LRRC4C: variants seen among roughly 807,000 people sequenced by gnomAD.
LRRC4C encodes leucine-rich repeat-containing protein 4C.
Under a neutral mutation model 33.6 loss-of-function variants are expected in LRRC4C, and 5 were observed. That is an observed-to-expected ratio of 0.15 (90% CI 0.08 to 0.31). The LOEUF (loss-of-function observed/expected upper bound fraction) is 0.31. Among genes scored for constraint, LRRC4C ranks in the 10% least tolerant of loss-of-function variants. The probability of loss-of-function intolerance (pLI) is 1.00; values close to 1 mark genes in which losing one functional copy is unlikely to be tolerated. For synonymous variants in LRRC4C, 329 were observed against 302.0 expected, an observed-to-expected ratio of 1.09 and a Z score of -0.93; for missense variants, 560 against 796.7, an observed-to-expected ratio of 0.70 and a Z score of 3.58.
intron 1 of LRRC4C, among the ~76,000 whole-genome samples, chr11:41,451,792 A>AGG (rs1956033195): frequency 6.6e-6 from 1 of 152,158 alleles, no homozygotes; most frequent in African/African-American, 2.4e-5. Flanking sequence ...TTAATGCTTA[A>AGG]TAGTAGTCCA....
intron 1 of LRRC4C, among the ~76,000 whole-genome samples, chr11:41,314,589 A>T (rs1176512159): frequency 6.6e-6 from 1 of 152,156 alleles, no homozygotes; most frequent in Admixed American, 6.5e-5. Flanking sequence ...CATAGGTGGG[A>T]ATTGAACAAT....
At chr11:40,222,194 T>C (rs1456219033) in intron 5 of LRRC4C, among the ~76,000 whole-genome samples, 1 of 152,202 alleles carries the variant, frequency 6.6e-6, no homozygotes, top group Admixed American at 6.5e-5. Context: ...GGAGCCCCCA[T>C]GACTGACACT....
intron 3 of LRRC4C, among the ~76,000 whole-genome samples, chr11:40,607,348 T>C (rs61100567): frequency 0.43 from 65,701 of 151,906 alleles, 15,280 homozygotes; most frequent in Middle Eastern, 0.57. Flanking sequence ...GTTTTCATGC[T>C]CAAATGTTGC....
intron 3 of LRRC4C, among the ~76,000 whole-genome samples, chr11:40,618,829 T>C (rs1441325503): frequency 6.6e-6 from 1 of 151,824 alleles, no homozygotes; most frequent in African/African-American, 2.4e-5. Context: ...CAAGTCAGGA[T>C]CTGCCACTGA....
intron 1 of LRRC4C, among the ~76,000 whole-genome samples, chr11:41,298,026 A>G (rs1565558791): frequency 6.6e-6 from 1 of 152,194 alleles, no homozygotes; most frequent in Non-Finnish European, 1.5e-5. Context: ...GATAAAATCC[A>G]ACTAATAGGA....
chr11:40,574,879 A>G (rs1331885288), intron 3 of LRRC4C, among the ~76,000 whole-genome samples: 2 of 152,182 alleles, frequency 1.3e-5, no homozygotes, highest in African/African-American at 4.8e-5. Flanking sequence ...ATGAGCACAT[A>G]GTAGTGAGGA....
chr11:41,054,248 C>G (rs898141443), intron 1 of LRRC4C, among the ~76,000 whole-genome samples: 1 of 152,146 alleles, frequency 6.6e-6, no homozygotes. Flanking sequence ...TATCTTATAT[C>G]TATGAAGTGA....
At position 40,739,029 on chromosome 11, in the gene LRRC4C, ATGTGTGTG is replaced by A. The variant is rs746979119; in HGVS notation, c.-406-90759_-406-90752del. On this transcript the variant is annotated intron_variant, in intron 2 of 6. Coordinates refer to ENST00000528697, the MANE Select transcript of LRRC4C (RefSeq NM_001258419.2). The stretch of plus-strand genomic sequence containing the variant: ...CTATTGTGTGTGTGTGTGTGTGTGT[ATGTGTGTG>A]TGTGTGTGTGTGTGTGGTGAGAAGA... Among the ~76,000 whole-genome samples, 7 of 137,190 alleles carry A rather than the reference ATGTGTGTG, an allele frequency of 5.1e-5. No individual in the cohort carries two copies. In the East Asian group the frequency reaches 8.9e-4, roughly 18 times the overall value. The allele number at this position is 137,190 out of a possible 152,430, so 90.0% of individuals were successfully genotyped here. A position where few individuals can be genotyped will look rare whatever the true frequency, so the allele number is the denominator to read the frequency against.
intron 1 of LRRC4C, among the ~76,000 whole-genome samples, chr11:41,316,262 CAAAAAAAA>C (rs60671406): frequency 3.3e-4 from 26 of 78,024 alleles, no homozygotes; most frequent in Middle Eastern, 7.8e-3. Context: ...CTCTGGATGG[CAAAAAAAA>C]AAAAAAAAAC....
rs1414838972 is a variant in LRRC4C at position 40,515,778 on chromosome 11, CAT to C, written c.-270+132362_-270+132363del. Among the ~76,000 whole-genome samples the C allele has an allele frequency of 2.6e-5, 4 of 152,020 alleles. No individual in the cohort carries two copies. In the East Asian group the frequency reaches 7.7e-4, roughly 29 times the overall value. On this transcript the variant is annotated intron_variant, in intron 3 of 6. Coordinates refer to ENST00000528697, the MANE Select transcript of LRRC4C (RefSeq NM_001258419.2). ...GTTTTTCCTGCTTAAATATTTTAGC[CAT>C]GTTTGAGGTGAACCAGTTAGTCCTC... is the stretch of plus-strand genomic sequence containing the variant.
intron 2 of LRRC4C, among the ~76,000 whole-genome samples, chr11:40,736,796 C>T (rs1280392920): frequency 6.6e-6 from 1 of 151,400 alleles, no homozygotes; most frequent in Admixed American, 6.6e-5. Context: ...TGTTTGTTGG[C>T]CACATAAATG....
At chr11:40,473,844 C>T (rs1352724065) in intron 3 of LRRC4C, among the ~76,000 whole-genome samples, 1 of 152,232 alleles carries the variant, frequency 6.6e-6, no homozygotes, top group African/African-American at 2.4e-5. Flanking sequence ...AGTGAACTCC[C>T]ATTCACAATT....
At chr11:41,270,321 T>C (rs986838458) in intron 1 of LRRC4C, among the ~76,000 whole-genome samples, 1 of 152,276 alleles carries the variant, frequency 6.6e-6, no homozygotes, top group African/African-American at 2.4e-5. Flanking sequence ...TTTATTTATA[T>C]TAAAGAAGGT....
intron 2 of LRRC4C, among the ~76,000 whole-genome samples, chr11:40,862,345 A>T (rs919667976): frequency 1.2e-4 from 19 of 152,258 alleles, no homozygotes; most frequent in African/African-American, 4.1e-4. Flanking sequence ...ATTTAAATTT[A>T]AAAAAATTGA....
intron 5 of LRRC4C, among the ~76,000 whole-genome samples, chr11:40,141,329 A>T (rs1029434324): frequency 1.3e-5 from 2 of 152,114 alleles, no homozygotes; most frequent in African/African-American, 4.8e-5. Flanking sequence ...ATCCCCAAAC[A>T]AGAAAGATAT....
chr11:40,455,840 C>G (rs556045397), intron 3 of LRRC4C, among the ~76,000 whole-genome samples: 15 of 152,150 alleles, frequency 9.9e-5, no homozygotes, highest in Admixed American at 9.8e-4. Flanking sequence ...TTCTCTCTCT[C>G]TGTGTTGGCC....
intron 5 of LRRC4C, among the ~76,000 whole-genome samples, chr11:40,160,200 TTTTAC>T (rs1859041742): frequency 6.7e-6 from 1 of 149,700 alleles, no homozygotes; most frequent in African/African-American, 2.5e-5. Flanking sequence ...TTGGACAGAG[TTTTAC>T]TATGAGTCCC....
intron 1 of LRRC4C, among the ~76,000 whole-genome samples, chr11:41,173,450 G>A (rs939090550): frequency 7.9e-5 from 12 of 152,058 alleles, no homozygotes; most frequent in Non-Finnish European, 1.3e-4. Context: ...CTAGCCATCA[G>A]CCCTATTGAA....
intron 1 of LRRC4C, among the ~76,000 whole-genome samples, chr11:41,024,360 T>C (rs1387841246): frequency 1.3e-5 from 2 of 151,776 alleles, no homozygotes; most frequent in Non-Finnish European, 3.0e-5. Flanking sequence ...AATTTTGCCA[T>C]GGAATCTTGG....
Sources: gnomAD v4.1 joint callset for allele counts (sites outside exome capture counted in the v4.1 genomes callset) on GRCh38, gnomAD v4.1.1 for gene constraint, MANE v1.5 for transcripts, NCBI Gene and HGNC (gene_info 2026-07-23, HGNC 2026-07-21) for gene names.